MAGI1: variants seen among roughly 807,000 people sequenced by gnomAD.
The protein encoded by MAGI1 is membrane associated guanylate kinase, WW and PDZ domain containing 1, also known as membrane-associated guanylate kinase, WW and PDZ domain-containing protein 1.
A neutral mutation model predicts 139.9 loss-of-function variants in MAGI1; 58 were observed. The ratio of observed to expected loss-of-function variants is 0.41; its 90% CI spans 0.34 to 0.52. The LOEUF (loss-of-function observed/expected upper bound fraction) is 0.52, where lower values mean the gene tolerates loss of function less well. Ranked by LOEUF, MAGI1 falls within the 20% of genes least tolerant of loss-of-function variation. The probability of loss-of-function intolerance (pLI) is 0.12; values close to 1 mark genes in which losing one functional copy is unlikely to be tolerated. For synonymous variants in MAGI1, 812 were observed against 737.9 expected (o/e 1.10, Z -1.63); for missense variants, 1,874 against 1,901.6 (o/e 0.99, Z 0.27).
chr3:65,470,662 T>C (rs1359714102), intron 4 of MAGI1, among the ~76,000 whole-genome samples, 178 bp from the exon 5 acceptor site: 1 of 152,244 alleles, frequency 6.6e-6, no homozygotes, highest in Non-Finnish European at 1.5e-5. Context: ...TAGATGTCTG[T>C]GCCTTAATTA....
chr3:65,459,578 T>C (rs1949637694), intron 5 of MAGI1, among the ~76,000 whole-genome samples: 1 of 152,216 alleles, frequency 6.6e-6, no homozygotes, highest in African/African-American at 2.4e-5. Flanking sequence ...TTTTATTTCT[T>C]CCTTTTCAAT....
chr3:65,804,970 A>G (rs1344230960), intron 1 of MAGI1, among the ~76,000 whole-genome samples: 1 of 152,204 alleles, frequency 6.6e-6, no homozygotes, highest in African/African-American at 2.4e-5. Flanking sequence ...GTAAAACCCA[A>G]AACTATAAAA....
intron 1 of MAGI1, among the ~76,000 whole-genome samples, chr3:65,784,947 G>C (rs2039262924): frequency 6.6e-6 from 1 of 152,184 alleles, no homozygotes; most frequent in Non-Finnish European, 1.5e-5. Flanking sequence ...GGGCTTGAGA[G>C]GGTGGCGGTG....
intron 1 of MAGI1, among the ~76,000 whole-genome samples, chr3:65,671,581 G>A (rs147730744): frequency 2.5e-4 from 38 of 152,292 alleles, no homozygotes; most frequent in African/African-American, 7.0e-4. Flanking sequence ...TAAAAATGCA[G>A]ATAGCAAGTC....
At chr3:65,505,406 AAAAT>A (rs2077241644) in intron 2 of MAGI1, among the ~76,000 whole-genome samples, 1 of 151,306 alleles carries the variant, frequency 6.6e-6, no homozygotes, top group African/African-American at 2.4e-5. Context: ...AAAAAAAAAA[AAAAT>A]AACTGGGGCC....
intron 2 of MAGI1, among the ~76,000 whole-genome samples, chr3:65,606,044 T>C (rs972587655): frequency 2.0e-5 from 3 of 152,196 alleles, no homozygotes; most frequent in African/African-American, 7.2e-5. Context: ...CATGGACATA[T>C]TTTTGCAGTT....
At chr3:65,712,640 T>C (rs1392710075) in intron 1 of MAGI1, among the ~76,000 whole-genome samples, 1 of 151,856 alleles carries the variant, frequency 6.6e-6, no homozygotes, top group Non-Finnish European at 1.5e-5. Flanking sequence ...GTCTCCTGAG[T>C]GGCCGGGACT....
At chr3:65,381,735 C>T in intron 16 of MAGI1, 142 bp downstream of exon 16, 1 of 766,060 alleles carries the variant, frequency 1.3e-6, no homozygotes, top group Non-Finnish European at 2.0e-6. Flanking sequence ...TTGAGAGAAG[C>T]AAGCCATCTG....
chr3:65,919,164 T>C (rs148316279), intron 1 of MAGI1, among the ~76,000 whole-genome samples: 358 of 152,300 alleles, frequency 2.4e-3, no homozygotes, highest in Middle Eastern at 3.4e-3. Context: ...ACTAATTTCA[T>C]TGAATTTGAG....
chr3:65,982,228 T>C (rs1030804747), intron 1 of MAGI1, among the ~76,000 whole-genome samples: 8 of 152,220 alleles, frequency 5.3e-5, no homozygotes, highest in African/African-American at 1.9e-4. Context: ...GGTCTTGACT[T>C]AGGAAGAAGG....
At chr3:65,642,831 G>A (rs1050507769) in intron 1 of MAGI1, among the ~76,000 whole-genome samples, 8 of 152,112 alleles carry the variant, frequency 5.3e-5, no homozygotes, top group Non-Finnish European at 1.2e-4. Context: ...CATTTGATAG[G>A]TATTACCTGC....
At chr3:65,705,490 C>A (rs1330863458) in intron 1 of MAGI1, among the ~76,000 whole-genome samples, 1 of 152,148 alleles carries the variant, frequency 6.6e-6, no homozygotes, top group East Asian at 1.9e-4. Context: ...GAATTTTACC[C>A]TGATTTGTAC....
At chr3:65,569,845 A>T (rs978184893) in intron 2 of MAGI1, among the ~76,000 whole-genome samples, 2 of 151,942 alleles carry the variant, frequency 1.3e-5, no homozygotes, top group Non-Finnish European at 2.9e-5. Flanking sequence ...ACTGCGTTCC[A>T]GTCTGGGCAA....
At chr3:65,448,136 T>A in intron 6 of MAGI1, 79 bp from the exon 7 acceptor site, 1 of 1,315,512 alleles carries the variant, frequency 7.6e-7, no homozygotes, top group Non-Finnish European at 1.1e-6. Flanking sequence ...AAAGGAAATC[T>A]CCTCAGGAAA....
chr3:65,896,040 T>G (rs778518496), intron 1 of MAGI1, among the ~76,000 whole-genome samples: 7 of 152,154 alleles, frequency 4.6e-5, no homozygotes, highest in Non-Finnish European at 8.8e-5. Context: ...CAAGAAGTGA[T>G]GCTGCAAGGA....
chr3:65,565,856 C>CA (rs766254957), intron 2 of MAGI1, among the ~76,000 whole-genome samples: 41,596 of 93,696 alleles, frequency 0.44, 7,907 homozygotes, highest in East Asian at 0.68. Flanking sequence ...GACTCCGTGT[C>CA]AAAAAAAAAA....
chr3:65,638,561 G>A (rs1333140115), intron 1 of MAGI1, among the ~76,000 whole-genome samples: 1 of 143,858 alleles, frequency 7.0e-6, no homozygotes, highest in Non-Finnish European at 1.5e-5. Context: ...GCCTCAAGTA[G>A]CTGGGACTAC....
At chr3:65,497,654 G>A (rs1341611147) in intron 2 of MAGI1, among the ~76,000 whole-genome samples, 2 of 152,096 alleles carry the variant, frequency 1.3e-5, no homozygotes, top group South Asian at 4.1e-4. Flanking sequence ...AGACAATGTT[G>A]ATTTTTTTCT....
chr3:65,811,316 G>C (rs2041220177), intron 1 of MAGI1, among the ~76,000 whole-genome samples: 1 of 152,218 alleles, frequency 6.6e-6, no homozygotes, highest in South Asian at 2.1e-4. Context: ...AAGAGGCTAG[G>C]AGACTAGTGT....
Sources: allele counts gnomAD v4.1 joint callset (sites outside exome capture counted in the v4.1 genomes callset), GRCh38; gene constraint gnomAD v4.1.1; transcripts MANE v1.5; gene names NCBI Gene and HGNC (gene_info 2026-07-23, HGNC 2026-07-21).